The following ADARB1 variants were observed in gnomAD, a reference collection of about 807,000 sequenced individuals.
ADARB1 encodes the protein adenosine deaminase RNA specific B1.
ADARB1 carries 10 observed loss-of-function variants against 52.4 expected under a neutral mutation model. The ratio of observed to expected loss-of-function variants is 0.19; its 90% CI spans 0.12 to 0.32. The LOEUF (loss-of-function observed/expected upper bound fraction) is 0.32, where lower values mean the gene tolerates loss of function less well. Ranked by LOEUF, ADARB1 falls within the 10% of genes least tolerant of loss-of-function variation. The pLI, the probability that ADARB1 is intolerant of heterozygous loss-of-function variation, is 1.00. For missense variants in ADARB1, 643 were observed against 922.3 expected (o/e 0.70, Z 3.92); for synonymous variants, 349 against 371.1 (o/e 0.94, Z 0.68).
chr21:45,125,387 G>A (rs1169248174), intron 1 of ADARB1, among the ~76,000 whole-genome samples: 1 of 152,238 alleles, frequency 6.6e-6, no homozygotes, highest in East Asian at 1.9e-4. Flanking sequence ...GGCTTCTTCA[G>A]TGAGGTGGCT....
intron 1 of ADARB1, among the ~76,000 whole-genome samples, chr21:45,112,670 A>G (rs2087595908): frequency 6.6e-6 from 1 of 152,112 alleles, no homozygotes; most frequent in Admixed American, 6.5e-5. Flanking sequence ...CTTTGGTCCC[A>G]CTTCCCATTT....
At chr21:45,215,051 C>T (rs2150439) in intron 9 of ADARB1, among the ~76,000 whole-genome samples, 105,103 of 151,888 alleles carry the variant, frequency 0.69, 36,843 homozygotes, top group African/African-American at 0.81. Flanking sequence ...TTTTTTATTG[C>T]TGTTTTTTGT....
At chr21:45,195,000 C>T (rs1190670140) in intron 8 of ADARB1, among the ~76,000 whole-genome samples, 3 of 152,188 alleles carry the variant, frequency 2.0e-5, no homozygotes, top group Non-Finnish European at 4.4e-5. Flanking sequence ...GCCAAACTGT[C>T]CTTCAAAGTG....
intron 1 of ADARB1, among the ~76,000 whole-genome samples, chr21:45,116,258 G>A (rs1301737042): frequency 6.6e-6 from 1 of 152,270 alleles, no homozygotes; most frequent in Non-Finnish European, 1.5e-5. Context: ...CCAGGGTGGG[G>A]CTGGCCTGGG....
chr21:45,125,287 A>G (rs1437263683), intron 1 of ADARB1, among the ~76,000 whole-genome samples: 1 of 152,202 alleles, frequency 6.6e-6, no homozygotes, highest in Admixed American at 6.5e-5. Context: ...CACTTTATTA[A>G]TGCTCAGCCA....
chr21:45,149,329 G>C (rs910965380), intron 2 of ADARB1, among the ~76,000 whole-genome samples: 1 of 152,196 alleles, frequency 6.6e-6, no homozygotes, highest in Non-Finnish European at 1.5e-5. Context: ...TGAGTTGCTG[G>C]CTGCCTCCTT....
chr21:45,118,870 C>T (rs2087981532), intron 1 of ADARB1, among the ~76,000 whole-genome samples: 1 of 152,190 alleles, frequency 6.6e-6, no homozygotes, highest in Non-Finnish European at 1.5e-5. Context: ...CTGCAGTTTC[C>T]TCTGCTCTCT....
At chr21:45,197,166 AG>A (rs2092442883) in intron 8 of ADARB1, among the ~76,000 whole-genome samples, 1 of 152,130 alleles carries the variant, frequency 6.6e-6, no homozygotes, top group South Asian at 2.1e-4. Flanking sequence ...CATCAGAATA[AG>A]ACTCAAAACA....
intron 1 of ADARB1, among the ~76,000 whole-genome samples, chr21:45,079,126 C>T (rs529111899): frequency 1.6e-4 from 24 of 152,120 alleles, no homozygotes; most frequent in Middle Eastern, 3.2e-3. Flanking sequence ...CAGACCAGGG[C>T]GGAAGTGGTG....
chr21:45,105,625 C>G (rs2087214467), intron 1 of ADARB1, among the ~76,000 whole-genome samples: 1 of 152,246 alleles, frequency 6.6e-6, no homozygotes, highest in African/African-American at 2.4e-5. Context: ...TTATTTTGAA[C>G]ACTAAAGCTA....
At chr21:45,181,108 C>T (rs540683571) in intron 5 of ADARB1, among the ~76,000 whole-genome samples, 4 of 152,320 alleles carry the variant, frequency 2.6e-5, no homozygotes, top group Admixed American at 6.5e-5. Flanking sequence ...CGTCTCTGTA[C>T]CCAGCATCTG....
chr21:45,138,213 G>T (rs2145880607), intron 2 of ADARB1, among the ~76,000 whole-genome samples: 1 of 152,340 alleles, frequency 6.6e-6, no homozygotes, highest in East Asian at 1.9e-4. Flanking sequence ...ATGAACTTTA[G>T]ACATTAACTG....
At chr21:45,209,143 A>C (rs2092720666) in intron 9 of ADARB1, among the ~76,000 whole-genome samples, 1 of 152,202 alleles carries the variant, frequency 6.6e-6, no homozygotes, top group African/African-American at 2.4e-5. Flanking sequence ...AAAAGCTGAA[A>C]TATTGGGCTC....
chr21:45,131,702 A>G (rs1350014396), intron 2 of ADARB1, among the ~76,000 whole-genome samples: 2 of 152,212 alleles, frequency 1.3e-5, no homozygotes, highest in Admixed American at 1.3e-4. Context: ...CTTGACTGAA[A>G]GGAGAAGTGA....
At chr21:45,083,316 C>T (rs1419277587) in intron 1 of ADARB1, among the ~76,000 whole-genome samples, 1 of 152,220 alleles carries the variant, frequency 6.6e-6, no homozygotes, top group Non-Finnish European at 1.5e-5. Flanking sequence ...GCCCCCCCAT[C>T]CTATTGTACT....
intron 1 of ADARB1, among the ~76,000 whole-genome samples, chr21:45,088,629 C>T (rs920137807): frequency 4.6e-5 from 7 of 152,152 alleles, no homozygotes; most frequent in African/African-American, 1.2e-4. Context: ...GTGAGTTCCG[C>T]GGGAGGATGC....
intron 2 of ADARB1, among the ~76,000 whole-genome samples, chr21:45,147,262 A>T (rs2090055215): frequency 1.3e-5 from 2 of 152,254 alleles, no homozygotes; most frequent in South Asian, 4.1e-4. Context: ...CAAATACAGT[A>T]AGTGAATTTC....
chr21:45,218,182 T>TAC (rs1399194973), intron 9 of ADARB1, among the ~76,000 whole-genome samples: 1 of 152,218 alleles, frequency 6.6e-6, no homozygotes, highest in African/African-American at 2.4e-5. Context: ...GAAATCTAAT[T>TAC]ACACATATTT....
At chr21:45,105,048 T>C (rs2087185427) in intron 1 of ADARB1, among the ~76,000 whole-genome samples, 2 of 152,030 alleles carry the variant, frequency 1.3e-5, no homozygotes, top group Non-Finnish European at 2.9e-5. Context: ...GTGATTTTTC[T>C]GTTACGCTTA....
Sources: allele counts gnomAD v4.1 joint callset (sites outside exome capture counted in the v4.1 genomes callset), GRCh38; gene constraint gnomAD v4.1.1; transcripts MANE v1.5; gene names NCBI Gene and HGNC (gene_info 2026-07-23, HGNC 2026-07-21).